Variants in C1orf159 observed in about 807,000 individuals in gnomAD.
C1orf159 encodes chromosome 1 open reading frame 159, also known as uncharacterized protein C1orf159.
In C1orf159, 19 loss-of-function variants were observed where a neutral mutation model predicts 25.6. The observed-to-expected ratio is 0.74, with a 90% CI of 0.52 to 1.09. The LOEUF is 1.09. Ranked by LOEUF, C1orf159 falls within the 50% of genes least tolerant of loss-of-function variation. C1orf159 has a pLI of 0.00. For missense variants in C1orf159, 274 were observed against 290.6 expected (o/e 0.94, Z 0.42); for synonymous variants, 139 against 124.7 (o/e 1.12, Z -0.77).
intron 1 of C1orf159, among the ~76,000 whole-genome samples, chr1:1,102,598 G>A (rs978704333): frequency 7.1e-4 from 73 of 102,832 alleles, no homozygotes; most frequent in African/African-American, 2.3e-3. Context: ...CCAACATAGC[G>A]AAACCCTGTC....
In C1orf159 at chr1:1,084,875, C is replaced by T. The variant is rs181799866; in HGVS notation, c.446-369G>A. Among the ~76,000 whole-genome samples, 1,019 of 152,268 alleles carry T rather than the reference C, an allele frequency of 6.7e-3. 9 individuals carry two copies. The highest frequency in any genetic ancestry group is 0.023 in the African/African-American group (965 of 41,560). Reference sequence around the variant, plus strand: ...GGGAAGGGCTGCCCTCCCACCCTCCCGGGAGGAGCCTCAGGCACGAGGTGG... The same window carrying T: ...GGGAAGGGCTGCCCTCCCACCCTCCTGGGAGGAGCCTCAGGCACGAGGTGG... On this transcript the variant is annotated intron_variant, in intron 7 of 9. Coordinates refer to ENST00000421241, the MANE Select transcript of C1orf159 (RefSeq NM_017891.5).
chr1:1,107,938 G>A (rs1646197762), intron 1 of C1orf159, among the ~76,000 whole-genome samples: 2 of 152,194 alleles, frequency 1.3e-5, no homozygotes, highest in Non-Finnish European at 2.9e-5. Context: ...ACATCAGAAG[G>A]AACAAACTCC....
intron 4 of C1orf159, among the ~76,000 whole-genome samples, chr1:1,088,352 A>G (rs1438700178): frequency 1.3e-4 from 5 of 39,116 alleles, no homozygotes; most frequent in African/African-American, 5.6e-4. Context: ...GCCTCCCCCA[A>G]GACCCCCATC....
At chr1:1,084,440 G>C in intron 8 of C1orf159, 41 bp downstream of exon 8, 1 of 1,578,366 alleles carries the variant, frequency 6.3e-7, no homozygotes, top group Non-Finnish European at 8.6e-7. Flanking sequence ...ACAGGCACAC[G>C]CGGCCAGGGA....
chr1:1,091,365 C>T, intron 3 of C1orf159, 107 bp downstream of exon 3: 1 of 1,073,176 alleles, frequency 9.3e-7, no homozygotes. Context: ...GGGGCTGGGA[C>T]ATCAGTGTCC....
intron 3 of C1orf159, chr1:1,090,720 G>T: frequency 1.3e-6 from 1 of 768,516 alleles, no homozygotes; most frequent in Non-Finnish European, 2.2e-6. Flanking sequence ...CCATGGCAGC[G>T]CCACCGACAT....
rs115662838 is a variant in C1orf159, at chr1:1,091,533, C to T, written c.11G>A (p.Arg4Gln). 0.027 allele frequency: 41,496 copies of T among 1,549,142 alleles called. 713 individuals are homozygous for T. Among genetic ancestry groups the T allele is most frequent in the Non-Finnish European group, 0.031 (35,115 of 1,146,648 alleles). MAL[R>Q]HLALLAGLLV... ...AAGGCCAGCCAGGAGGGCGAGGTGC[C>T]GCAGCGCCATGCCAGGAGCAGATGC... The change falls in exon 3 of 10, where the codon CGG (arginine) becomes CAG (glutamine). Residue 4 changes from arginine to glutamine, a missense_variant. Transcript: ENST00000421241.
Position 1,087,167 on chromosome 1 carries a change from G to A in C1orf159, c.282C>T (p.Ser94=), listed in dbSNP as rs1645844775. The part of the protein sequence containing the change: ...GPGAPFPMNR[S]SGTPGRPHPG... ...GATGTGGCCGCCCGGGGGTCCCTGAGCTTCTGTTCATGGGGAATGGCGCAC... is the reference window on the plus strand; with the variant it reads ...GATGTGGCCGCCCGGGGGTCCCTGAACTTCTGTTCATGGGGAATGGCGCAC... Residue 94 remains serine (S), a synonymous_variant, in exon 6 of 10, where the codon AGC becomes AGT. Transcript: ENST00000421241. The surrounding 1 kb of genome is among the most constrained non-coding windows in gnomAD (Gnocchi z 8.3). 3 of 1,610,726 alleles carry A rather than the reference G, an allele frequency of 1.9e-6. No homozygotes were observed. The highest frequency in any genetic ancestry group is 2.5e-6 in the Non-Finnish European group (3 of 1,179,580).
chr1:1,091,661 G>A (rs1645938843), intron 2 of C1orf159, 96 bp from the exon 3 acceptor site: 1 of 880,118 alleles, frequency 1.1e-6, no homozygotes, highest in Admixed American at 2.0e-5. Context: ...AGATGTTGGG[G>A]GGGTGCGGGC....
intron 4 of C1orf159, among the ~76,000 whole-genome samples, chr1:1,088,048 G>C (rs1007736411): frequency 6.6e-6 from 1 of 151,844 alleles, no homozygotes; most frequent in African/African-American, 2.4e-5. Context: ...GGAGGGACTC[G>C]TGCTCTGCAG....
chr1:1,085,935 A>G lies in C1orf159; in HGVS notation c.388T>C (p.Phe130Leu), dbSNP rs201998414. 1 of 1,613,388 alleles carries G rather than the reference A, an allele frequency of 6.2e-7. No individual in the cohort carries two copies. Among genetic ancestry groups the G allele is most frequent in the South Asian group, 1.1e-5 (1 of 91,080 alleles). Residue 130 changes from phenylalanine (F) to leucine (L), a missense_variant, in exon 7 of 10, where the codon TTC becomes CTC. Physicochemically the swap from Phe to Leu is conservative, Grantham distance 22. Transcript: ENST00000421241. ...TTACTGGAGCGCTTGAGGTAGAAGA[A>G]CCCAGCTACGGAGAGGATGAGGCCG... is the stretch of plus-strand genomic sequence containing the variant. ...SSGLILSVAG[F>L]FYLKRSSKLP...
intron 1 of C1orf159, among the ~76,000 whole-genome samples, chr1:1,098,200 G>C (rs1646035767): frequency 6.6e-6 from 1 of 152,088 alleles, no homozygotes; most frequent in East Asian, 1.9e-4. Context: ...CGCCCGAGTA[G>C]CTGGGATTAC....
chr1:1,087,952 G>A lies in C1orf159; in HGVS notation c.149-355C>T, dbSNP rs1172559529. ...CGCTGCACTCCACGCCGAGCACCCC[G>A]GCCCTGAGCACCCCGACCCTGAGTA... On this transcript the variant is annotated intron_variant, in intron 4 of 9. Coordinates refer to ENST00000421241, the MANE Select transcript of C1orf159 (RefSeq NM_017891.5). This position sits in a 1 kb window ranked among gnomAD's most constrained non-coding sequence, Gnocchi z 8.3. Among the ~76,000 whole-genome samples the A allele has an allele frequency of 1.3e-5, 2 of 150,500 alleles. No individual in the cohort carries two copies. Among genetic ancestry groups the A allele is most frequent in the Non-Finnish European group, 3.0e-5 (2 of 67,664 alleles).
chr1:1,091,306 CGAGG>C (rs1289650237), intron 3 of C1orf159, 162 bp downstream of exon 3: 46 of 758,626 alleles, frequency 6.1e-5, no homozygotes, highest in Non-Finnish European at 7.4e-5. Flanking sequence ...CTCCCCTCTG[CGAGG>C]CACAGGCCCC....
rs1477791499 is a variant in C1orf159, at chr1:1,091,509, A to C, written c.35T>G (p.Leu12Arg). 4 of 1,549,874 alleles carry C rather than the reference A, an allele frequency of 2.6e-6. No homozygotes were observed. Among genetic ancestry groups the C allele is most frequent in the Admixed American group, 2.0e-5 (1 of 50,982 alleles). ...GGACTTGCTGGCGACTCCCACGAGAAGGCCAGCCAGGAGGGCGAGGTGCCG... is the reference window on the plus strand; with the variant it reads ...GGACTTGCTGGCGACTCCCACGAGACGGCCAGCCAGGAGGGCGAGGTGCCG... ...ALRHLALLAG[L>R]LVGVASKSME... Residue 12 changes from leucine to arginine, a missense_variant, in exon 3 of 10, where the codon CTT (leucine) becomes CGT (arginine). Leu to Arg is a moderately radical substitution (Grantham distance 102). Coordinates refer to ENST00000421241, the MANE Select transcript of C1orf159 (RefSeq NM_017891.5).
Position 1,084,502 on chromosome 1 carries a change from C to T in C1orf159, c.450G>A (p.Pro150=), listed in dbSNP as rs778850001. The change falls in exon 8 of 10, where the codon CCG becomes CCA. Residue 150 remains proline, a synonymous_variant. Transcript: ENST00000421241. ...PRACYRRNKA[P]ALQPGEAAAM... The stretch of plus-strand genomic sequence containing the variant: ...TTACGGCTTCGCCAGGCTGCAGGGC[C>T]GGAGCTGTGGGGGAGAAAGCGGAGA... The T allele has an allele frequency of 2.5e-5, 39 of 1,554,488 alleles. No individual in the cohort carries two copies. Among genetic ancestry groups the T allele is most frequent in the East Asian group, 1.9e-4 (8 of 41,300 alleles).
At chr1:1,083,256 C>A in intron 9 of C1orf159, 2 of 440,932 alleles carry the variant, frequency 4.5e-6, no homozygotes, top group South Asian at 7.5e-5. Flanking sequence ...CCAGGCGATC[C>A]CCGAAGACAG....
At chr1:1,095,579 AC>A (rs1484864494) in intron 1 of C1orf159, among the ~76,000 whole-genome samples, 1 of 152,204 alleles carries the variant, frequency 6.6e-6, no homozygotes, top group Non-Finnish European at 1.5e-5. Context: ...CTTTCTTAGG[AC>A]CCTCTGCATA....
At chr1:1,107,976 A>G (rs181155558) in intron 1 of C1orf159, among the ~76,000 whole-genome samples, 200 of 152,200 alleles carry the variant, frequency 1.3e-3, no homozygotes, top group African/African-American at 4.6e-3. Flanking sequence ...GAACTGTAAC[A>G]CTCACTGCGA....
Sources: allele counts gnomAD v4.1 joint callset (sites outside exome capture counted in the v4.1 genomes callset), GRCh38; gene constraint gnomAD v4.1.1; non-coding constraint Gnocchi (gnomAD v3.1); transcripts MANE v1.5; gene names NCBI Gene and HGNC (gene_info 2026-07-23, HGNC 2026-07-21).